The following DLGAP1 variants were observed in gnomAD, a reference collection of about 807,000 sequenced individuals.
The protein encoded by DLGAP1 is DLG associated protein 1.
In DLGAP1, 11 loss-of-function variants were observed where a neutral mutation model predicts 90.8. The ratio of observed to expected loss-of-function variants is 0.12; its 90% CI spans 0.08 to 0.20. The LOEUF (loss-of-function observed/expected upper bound fraction) is 0.20. DLGAP1 is among the 10% of genes least tolerant of loss of function. DLGAP1 has a pLI of 1.00. For missense variants in DLGAP1, 1,050 were observed against 1,333.8 expected (o/e 0.79, Z 3.31); for synonymous variants, 558 against 540.7 (o/e 1.03, Z -0.44).
chr18:3,631,713 C>T (rs2058531665), intron 7 of DLGAP1, among the ~76,000 whole-genome samples: 1 of 152,094 alleles, frequency 6.6e-6, no homozygotes, highest in South Asian at 2.1e-4. Context: ...CACCACTGTA[C>T]TCCAGCCTGG....
chr18:3,845,412 C>T (rs530113365), intron 4 of DLGAP1: 2 of 1,379,262 alleles, frequency 1.5e-6, no homozygotes, highest in East Asian at 2.6e-5. Flanking sequence ...AGTGGTTGGT[C>T]ATGGCTCACA....
intron 2 of DLGAP1, among the ~76,000 whole-genome samples, chr18:4,026,144 C>T (rs2074695514): frequency 6.6e-6 from 1 of 152,148 alleles, no homozygotes; most frequent in African/African-American, 2.4e-5. Flanking sequence ...TTCCTCTTGA[C>T]CTCTGTCATC....
chr18:3,645,690 A>G (rs138207527), intron 7 of DLGAP1, among the ~76,000 whole-genome samples: 73 of 152,304 alleles, frequency 4.8e-4, no homozygotes, highest in East Asian at 2.3e-3. Flanking sequence ...TTCCTTTTAT[A>G]TATTCCTGCC....
intron 1 of DLGAP1, among the ~76,000 whole-genome samples, chr18:4,363,154 T>C (rs1445759513): frequency 6.6e-6 from 1 of 152,070 alleles, no homozygotes; most frequent in Non-Finnish European, 1.5e-5. Context: ...CCAATATTCC[T>C]TGTGGAGATA....
intron 3 of DLGAP1, among the ~76,000 whole-genome samples, chr18:3,972,523 T>TC (rs57554465): frequency 3.9e-5 from 6 of 151,912 alleles, no homozygotes; most frequent in Non-Finnish European, 8.8e-5. Context: ...TCTCTCTCTC[T>TC]TTCTTTCTTT....
In DLGAP1 at chr18:4,132,565, C is replaced by T. The variant is rs369960136; in HGVS notation, c.-159+18615G>A. On this transcript the variant is annotated intron_variant, in intron 2 of 12. Transcript: ENST00000315677. ...TATTGTGAGAATAAAAGTTGACAACCCTATTTCCACCTGCACTTTCATTCT... is the reference window on the plus strand; with the variant it reads ...TATTGTGAGAATAAAAGTTGACAACTCTATTTCCACCTGCACTTTCATTCT... 1.6e-3 allele frequency among the ~76,000 whole-genome samples: 239 copies of T among 152,080 alleles called. 2 individuals carry two copies. Among genetic ancestry groups the T allele is most frequent in the African/African-American group, 5.2e-3 (215 of 41,480 alleles).
chr18:3,742,949 T>TCTATCTTCCTTCCTTC lies in DLGAP1; in HGVS notation c.1173-438_1173-437insGAAGGAAGGAAGATAG, dbSNP rs144171196. ...ATCTATATTTTTATCTATCAATTTA[T>TCTATCTTCCTTCCTTC]CTTCCTTCCTTCCTTCCTTCCTTCC... On this transcript the variant is annotated intron_variant, in intron 5 of 12. Transcript: ENST00000315677. 2.8e-3 allele frequency among the ~76,000 whole-genome samples: 394 copies of TCTATCTTCCTTCCTTC among 142,754 alleles called. 1 individual carries two copies. The highest frequency in any genetic ancestry group is 9.9e-3 in the African/African-American group (376 of 37,846). 93.7% of individuals were successfully genotyped at this position (142,754 alleles called of 152,430 possible). A position where few individuals can be genotyped will look rare whatever the true frequency, so the allele number is the denominator to read the frequency against.
At chr18:4,028,685 G>T (rs936086242) in intron 2 of DLGAP1, among the ~76,000 whole-genome samples, 1 of 152,022 alleles carries the variant, frequency 6.6e-6, no homozygotes, top group Admixed American at 6.5e-5. Context: ...ATCCAGTCAC[G>T]CCTCACTGAT....
intron 5 of DLGAP1, among the ~76,000 whole-genome samples, chr18:3,795,142 G>C (rs189083942): frequency 3.9e-5 from 6 of 152,318 alleles, no homozygotes; most frequent in Admixed American, 6.5e-5. Flanking sequence ...CCAGGATCCA[G>C]AGGATCACAG....
intron 1 of DLGAP1, among the ~76,000 whole-genome samples, chr18:4,384,030 C>T (rs1022530683): frequency 2.0e-5 from 3 of 152,134 alleles, no homozygotes; most frequent in Admixed American, 1.3e-4. Context: ...TTGAGCCATG[C>T]GACAAGCAAT....
At chr18:3,840,721 G>T (rs540416255) in intron 4 of DLGAP1, among the ~76,000 whole-genome samples, 1 of 152,154 alleles carries the variant, frequency 6.6e-6, no homozygotes, top group African/African-American at 2.4e-5. Context: ...TCTGTGCCAG[G>T]CATTATTTTA....
chr18:4,106,462 A>G (rs1025473754), intron 2 of DLGAP1, among the ~76,000 whole-genome samples: 1 of 152,198 alleles, frequency 6.6e-6, no homozygotes, highest in Admixed American at 6.5e-5. Flanking sequence ...GGGTAGAAGA[A>G]ATTGTATTTG....
chr18:4,008,687 G>C (rs2074354933), intron 2 of DLGAP1, among the ~76,000 whole-genome samples: 1 of 151,978 alleles, frequency 6.6e-6, no homozygotes, highest in Admixed American at 6.6e-5. Flanking sequence ...CCAGTGACGG[G>C]GAAAAAAATA....
intron 1 of DLGAP1, among the ~76,000 whole-genome samples, chr18:4,382,919 G>A (rs1164271999): frequency 6.6e-6 from 1 of 152,062 alleles, no homozygotes; most frequent in Non-Finnish European, 1.5e-5. Flanking sequence ...GCCACACACT[G>A]GATTACTTGA....
chr18:4,270,659 C>T (rs76477198), intron 1 of DLGAP1, among the ~76,000 whole-genome samples: 3,143 of 152,210 alleles, frequency 0.021, 35 homozygotes, highest in East Asian at 0.042. Context: ...CATCCCTCTC[C>T]TTCCCTCCAA....
At chr18:4,392,686 C>T (rs1298189629) in intron 1 of DLGAP1, among the ~76,000 whole-genome samples, 2 of 152,074 alleles carry the variant, frequency 1.3e-5, no homozygotes, top group African/African-American at 4.8e-5. Flanking sequence ...TGATTGTAGG[C>T]CCATGGATTT....
chr18:4,108,011 G>A (rs1305914067), intron 2 of DLGAP1, among the ~76,000 whole-genome samples: 1 of 152,152 alleles, frequency 6.6e-6, no homozygotes, highest in Non-Finnish European at 1.5e-5. Context: ...GAAAACAGTG[G>A]AAGCAGGGAC....
At chr18:4,177,293 T>TA (rs56920621) in intron 1 of DLGAP1, among the ~76,000 whole-genome samples, 52,974 of 151,200 alleles carry the variant, frequency 0.35, 9,717 homozygotes, top group East Asian at 0.7. Flanking sequence ...ACGCAATACT[T>TA]AGAGTGGCTG....
Position 4,056,476 on chromosome 18 carries a change from T to C in DLGAP1, c.-158-51275A>G, listed in dbSNP as rs183592067. Among the ~76,000 whole-genome samples the C allele has an allele frequency of 1.0e-3, 155 of 152,324 alleles. 1 individual carries two copies. The Middle Eastern group carries it at 0.02, about 20-fold the overall frequency. On this transcript the variant is annotated intron_variant, in intron 2 of 12. Transcript: ENST00000315677. ...ATCCCACAGCATGAGATCTGGGTGGTACATTTTTATGGCTACAACACATGG... is the reference window on the plus strand; with the variant it reads ...ATCCCACAGCATGAGATCTGGGTGGCACATTTTTATGGCTACAACACATGG...
Sources: allele counts gnomAD v4.1 joint callset (sites outside exome capture counted in the v4.1 genomes callset), GRCh38; gene constraint gnomAD v4.1.1; transcripts MANE v1.5; gene names NCBI Gene and HGNC (gene_info 2026-07-23, HGNC 2026-07-21).